SCAMP1: variants seen among roughly 807,000 people sequenced by gnomAD.
The protein encoded by SCAMP1 is secretory carrier membrane protein 1.
SCAMP1 carries 15 observed loss-of-function variants against 41.8 expected under a neutral mutation model. The observed-to-expected ratio is 0.36, with a 90% CI of 0.24 to 0.55. The LOEUF (loss-of-function observed/expected upper bound fraction) is 0.55, where lower values mean the gene tolerates loss of function less well. Among genes scored for constraint, SCAMP1 ranks in the 20% least tolerant of loss-of-function variants. SCAMP1 has a pLI of 0.86. For missense variants in SCAMP1, 341 were observed against 412.6 expected (o/e 0.83, Z 1.50); for synonymous variants, 135 against 136.8 (o/e 0.99, Z 0.09).
intron 8 of SCAMP1, among the ~76,000 whole-genome samples, chr5:78,471,074 AG>A (rs1257886599): frequency 2.0e-5 from 3 of 152,166 alleles, no homozygotes; most frequent in Non-Finnish European, 2.9e-5. Context: ...TGTGTCTTTT[AG>A]GGGGTGTAAC....
rs776750345 is a variant in SCAMP1, at chr5:78,475,492, G to C, written c.853-12G>C. ...GCTACTTACCTTCTCCCACTTTTTT[G>C]TGCCTCTGTAGGTACATGGACTATA... On this transcript the variant is annotated splice_polypyrimidine_tract_variant and intron_variant, in intron 8 of 8. Coordinates refer to ENST00000621999, the MANE Select transcript of SCAMP1 (RefSeq NM_004866.6). 6.5e-7 allele frequency: 1 copy of C among 1,547,950 alleles called. No homozygotes were observed. The highest frequency in any genetic ancestry group is 8.7e-7 in the Non-Finnish European group (1 of 1,150,480).
chr5:78,449,578 T>A (rs1311885263), intron 6 of SCAMP1, among the ~76,000 whole-genome samples: 1 of 152,192 alleles, frequency 6.6e-6, no homozygotes, highest in Non-Finnish European at 1.5e-5. Flanking sequence ...AAAGCGATAT[T>A]TTAAATATTT....
intron 2 of SCAMP1, among the ~76,000 whole-genome samples, chr5:78,402,585 A>G (rs1751826666): frequency 6.6e-6 from 1 of 152,108 alleles, no homozygotes; most frequent in Non-Finnish European, 1.5e-5. Flanking sequence ...TTTATCTCTA[A>G]TAACTTTCTT....
At chr5:78,391,491 C>T (rs1228011782) in intron 2 of SCAMP1, among the ~76,000 whole-genome samples, 2 of 151,376 alleles carry the variant, frequency 1.3e-5, no homozygotes, top group Non-Finnish European at 2.9e-5. Flanking sequence ...GGGGTGGCTG[C>T]AGGGCGGAGA....
At chr5:78,466,174 C>T (rs1323420589) in intron 8 of SCAMP1, among the ~76,000 whole-genome samples, 1 of 152,158 alleles carries the variant, frequency 6.6e-6, no homozygotes, top group Non-Finnish European at 1.5e-5. Flanking sequence ...TGGTGTGTGG[C>T]AGTTTTCACT....
intron 2 of SCAMP1, among the ~76,000 whole-genome samples, chr5:78,402,887 A>C (rs566672520): frequency 6.6e-6 from 1 of 151,270 alleles, no homozygotes; most frequent in South Asian, 2.1e-4. Flanking sequence ...GTTTTGTTTT[A>C]TTTTGAGACT....
chr5:78,451,879 T>C (rs1335214553), intron 7 of SCAMP1, among the ~76,000 whole-genome samples: 1 of 152,226 alleles, frequency 6.6e-6, no homozygotes, highest in Non-Finnish European at 1.5e-5. Flanking sequence ...GGTCTTGAAG[T>C]CCTGGCCTCG....
chr5:78,384,153 G>A (rs1424188026), intron 1 of SCAMP1, among the ~76,000 whole-genome samples: 2 of 136,686 alleles, frequency 1.5e-5, no homozygotes, highest in Admixed American at 7.3e-5. Context: ...TCACCTCTTT[G>A]GTTAGGTATA....
chr5:78,374,444 A>G (rs1384638467), intron 1 of SCAMP1, among the ~76,000 whole-genome samples: 2 of 152,160 alleles, frequency 1.3e-5, no homozygotes, highest in Admixed American at 1.3e-4. Flanking sequence ...GGGTAAGGAT[A>G]ATGTGAGAAA....
In SCAMP1 at chr5:78,478,203, C is replaced by G. The variant is rs1259097676; in HGVS notation, c.*2535C>G. 6.6e-6 allele frequency: 1 copy of G among 152,458 alleles called. No homozygotes were observed. The highest frequency in any genetic ancestry group is 1.9e-4 in the East Asian group (1 of 5,198). 9.4% of individuals were successfully genotyped at this position (152,458 alleles called of 1,614,324 possible). A position where few individuals can be genotyped will look rare whatever the true frequency, so the allele number is the denominator to read the frequency against. On this transcript the variant is annotated 3_prime_UTR_variant, in exon 9 of 9. Coordinates refer to ENST00000621999, the MANE Select transcript of SCAMP1 (RefSeq NM_004866.6). ...CCCTCCATGTGTCCCTCTAATGTTG[C>G]ATGTTTCAGTGGGTTGGAAGTTTTG...
At chr5:78,404,415 G>A (rs111907484) in intron 2 of SCAMP1, among the ~76,000 whole-genome samples, 3,842 of 143,946 alleles carry the variant, frequency 0.027, 186 homozygotes, top group African/African-American at 0.094. Flanking sequence ...CCAAAGTGTC[G>A]GGATTATAGG....
At chr5:78,407,197 A>AT (rs895343300) in intron 2 of SCAMP1, among the ~76,000 whole-genome samples, 1 of 151,646 alleles carries the variant, frequency 6.6e-6, no homozygotes, top group African/African-American at 2.4e-5. Context: ...TTCTCCTGTC[A>AT]TTTTTTTCTT....
chr5:78,466,369 T>G lies in SCAMP1; in HGVS notation c.852+7007T>G, dbSNP rs552728377. 3.3e-5 allele frequency among the ~76,000 whole-genome samples: 5 copies of G among 152,214 alleles called. No individual in the cohort carries two copies. In the East Asian group the frequency reaches 9.7e-4, roughly 29 times the overall value. On this transcript the variant is annotated intron_variant, in intron 8 of 8. Coordinates refer to ENST00000621999, the MANE Select transcript of SCAMP1 (RefSeq NM_004866.6). ...AGGGACACCTATCAGGTTTTGGAGG[T>G]CTTTTTAAGTATTGCCTCAGCTGAG...
At chr5:78,431,183 A>G (rs929373053) in intron 6 of SCAMP1, among the ~76,000 whole-genome samples, 7 of 152,068 alleles carry the variant, frequency 4.6e-5, no homozygotes, top group African/African-American at 7.2e-5. Flanking sequence ...AAACTCTAAA[A>G]TTAACACTCC....
intron 1 of SCAMP1, among the ~76,000 whole-genome samples, chr5:78,382,080 G>C (rs927222031): frequency 6.6e-6 from 1 of 152,166 alleles, no homozygotes; most frequent in Non-Finnish European, 1.5e-5. Flanking sequence ...ACCAGCAGAA[G>C]CAGTATCACC....
intron 5 of SCAMP1, among the ~76,000 whole-genome samples, chr5:78,420,752 G>A (rs1046257539): frequency 7.9e-5 from 12 of 152,056 alleles, no homozygotes; most frequent in Middle Eastern, 3.4e-3. Context: ...TACTTATCTG[G>A]TGGGTTAGGT....
At chr5:78,431,650 A>G (rs1186198889) in intron 6 of SCAMP1, among the ~76,000 whole-genome samples, 1 of 149,572 alleles carries the variant, frequency 6.7e-6, no homozygotes, top group African/African-American at 2.5e-5. Flanking sequence ...TTTTTACAAT[A>G]TATGTCTCTA....
intron 6 of SCAMP1, among the ~76,000 whole-genome samples, chr5:78,436,558 C>T (rs1752761668): frequency 6.6e-6 from 1 of 152,096 alleles, no homozygotes; most frequent in Non-Finnish European, 1.5e-5. Flanking sequence ...ATTTCTGAGG[C>T]CTCTGTTCTG....
Position 78,475,727 on chromosome 5 carries a change from T to C in SCAMP1, c.*59T>C. 6.9e-6 allele frequency: 9 copies of C among 1,304,062 alleles called. No homozygotes were observed. Among genetic ancestry groups the C allele is most frequent in the Non-Finnish European group, 9.2e-6 (9 of 983,424 alleles). 80.8% of individuals were successfully genotyped at this position (1,304,062 alleles called of 1,614,324 possible). On this transcript the variant is annotated 3_prime_UTR_variant, in exon 9 of 9. Coordinates refer to ENST00000621999, the MANE Select transcript of SCAMP1 (RefSeq NM_004866.6). ...TGTACCTTTTTCTCCAGTTACTGTA[T>C]TCTACAAATATTTTTATGTTCAAAA...
Sources: gnomAD v4.1 joint callset for allele counts (sites outside exome capture counted in the v4.1 genomes callset) on GRCh38, gnomAD v4.1.1 for gene constraint, MANE v1.5 for transcripts, NCBI Gene and HGNC (gene_info 2026-07-23, HGNC 2026-07-21) for gene names.